The following EVA1A variants were observed in gnomAD, a reference collection of about 807,000 sequenced individuals.
The protein encoded by EVA1A is protein eva-1 homolog A.
EVA1A carries 7 observed loss-of-function variants against 9.8 expected under a neutral mutation model. That is an observed-to-expected ratio of 0.71 (90% CI 0.41 to 1.34). The LOEUF (loss-of-function observed/expected upper bound fraction) is 1.34. Ranked by LOEUF, EVA1A falls within the 40% of genes most tolerant of loss-of-function variation. The probability of loss-of-function intolerance (pLI) is 0.01; values close to 1 mark genes in which losing one functional copy is unlikely to be tolerated. For missense variants in EVA1A, 206 were observed against 205.9 expected (o/e 1.00, Z 0.00); for synonymous variants, 90 against 85.6 (o/e 1.05, Z -0.28).
chr2:75,565,050 G>A (rs75962678), upstream of EVA1A, among the ~76,000 whole-genome samples: 31 of 152,282 alleles, frequency 2.0e-4, no homozygotes, highest in East Asian at 4.8e-3. Flanking sequence ...AATATGTCCC[G>A]ATATGTCCTC....
chr2:75,561,074 G>A (rs1261445022), upstream of EVA1A: 1 of 151,920 alleles, frequency 6.6e-6, no homozygotes, highest in South Asian at 2.1e-4. Context: ...CGCGAAACCT[G>A]AACGGCTGCG....
chr2:75,513,578 T>G (rs1333819832), intron 3 of EVA1A, among the ~76,000 whole-genome samples: 1 of 152,248 alleles, frequency 6.6e-6, no homozygotes, highest in African/African-American at 2.4e-5. Context: ...TAGAGATATC[T>G]GCACTCCATA....
chr2:75,521,217 C>G lies in EVA1A; in HGVS notation c.-69+1148G>C, dbSNP rs187189145. On this transcript the variant is annotated intron_variant, in intron 2 of 3. Coordinates refer to ENST00000393913, the MANE Select transcript of EVA1A (RefSeq NM_001135032.2). The stretch of plus-strand genomic sequence containing the variant: ...AAAATCAGAAAATAAGTATTGGAAC[C>G]CTTGTGCACTGTTGATGGGAAGGTA... Among the ~76,000 whole-genome samples the G allele has an allele frequency of 1.1e-4, 16 of 152,218 alleles. No individual in the cohort carries two copies. The South Asian group carries it at 2.1e-3, about 20-fold the overall frequency.
intron 1 of EVA1A, among the ~76,000 whole-genome samples, chr2:75,537,867 C>A (rs1202632095): frequency 2.6e-5 from 4 of 152,166 alleles, no homozygotes; most frequent in Non-Finnish European, 5.9e-5. Context: ...GAGGCCTCAC[C>A]AGAAGCCAAG....
rs369146049 is a variant in EVA1A, at chr2:75,518,133, A to C, written c.8T>G (p.Leu3Arg). MR[L>R]PLSHSPEHVE... ...GTGCTCTGGGCTGTGGCTGAGGGGC[A>C]GCCTCATGGGACATCCAGAGGGGAC... The change falls in exon 3 of 4, where the codon CTG (leucine) becomes CGG (arginine). Residue 3 changes from leucine (L) to arginine (R), a missense_variant. Coordinates refer to ENST00000393913, the MANE Select transcript of EVA1A (RefSeq NM_001135032.2). 3.1e-6 allele frequency: 5 copies of C among 1,614,032 alleles called. No individual in the cohort carries two copies. The South Asian group carries it at 5.5e-5, about 18-fold the overall frequency.
chr2:75,521,835 T>C (rs983886765), intron 2 of EVA1A, among the ~76,000 whole-genome samples: 7 of 152,238 alleles, frequency 4.6e-5, no homozygotes, highest in African/African-American at 1.4e-4. Flanking sequence ...TTGTTATATG[T>C]ATTTTACCAC....
At chr2:75,499,253 A>T (rs1017089037) in intron 3 of EVA1A, among the ~76,000 whole-genome samples, 1 of 152,186 alleles carries the variant, frequency 6.6e-6, no homozygotes, top group African/African-American at 2.4e-5. Flanking sequence ...CCTTGAGCCA[A>T]TCACAACCTC....
upstream of EVA1A, among the ~76,000 whole-genome samples, chr2:75,563,327 C>A (rs1676961068): frequency 6.6e-6 from 1 of 152,186 alleles, no homozygotes; most frequent in Non-Finnish European, 1.5e-5. Context: ...CCAGAACATG[C>A]ATCCCTGCAT....
chr2:75,493,615 G>GGAA lies in EVA1A; in HGVS notation c.86-9_86-7dup. 1 of 1,567,028 alleles carries GGAA rather than the reference G, an allele frequency of 6.4e-7. No individual in the cohort carries two copies. Among genetic ancestry groups the GGAA allele is most frequent in the Non-Finnish European group, 8.7e-7 (1 of 1,155,190 alleles). On this transcript the variant is annotated splice_region_variant and splice_polypyrimidine_tract_variant and intron_variant, in intron 3 of 3. Transcript: ENST00000393913. The stretch of plus-strand genomic sequence containing the variant: ...AGCTGCTCGCTCAGGATTTTCTGGA[G>GGAA]GAAGAAGAGGAAGAAGCAAGCATTT...
intron 1 of EVA1A, among the ~76,000 whole-genome samples, chr2:75,543,198 A>G (rs368290006): frequency 2.0e-5 from 3 of 152,174 alleles, no homozygotes; most frequent in East Asian, 3.9e-4. Flanking sequence ...AGAATTGCAA[A>G]TAGGGAAGAC....
rs529762458 is a variant in EVA1A, at chr2:75,493,548, G to C, written c.147C>G (p.Thr49=). Residue 49 remains threonine (T), a synonymous_variant, in exon 4 of 4, where the codon ACC becomes ACG. Transcript: ENST00000393913. ...VSGVCIGLVL[T]LAALVIRISC... is the part of the protein sequence containing the mutation. ...AGATCCTTATCACCAGAGCAGCCAG[G>C]GTCAGCACCAGCCCGATGCACACGC... 1 of 1,614,066 alleles carries C rather than the reference G, an allele frequency of 6.2e-7. No homozygotes were observed. Among genetic ancestry groups the C allele is most frequent in the East Asian group, 2.2e-5 (1 of 44,862 alleles).
intron 1 of EVA1A, among the ~76,000 whole-genome samples, chr2:75,548,917 T>C (rs1011604001): frequency 6.6e-6 from 1 of 151,452 alleles, no homozygotes; most frequent in Non-Finnish European, 1.5e-5. Flanking sequence ...TTTACCATCA[T>C]CTAGCCTTGA....
In EVA1A at chr2:75,515,425, A is replaced by G. The variant is rs116639507; in HGVS notation, c.85+2631T>C. ...AATTTCTAGTGGCTTCAAATGGCAA[A>G]TTATACTGGTGTTTGATAACTTGTA... is the stretch of plus-strand genomic sequence containing the variant. On this transcript the variant is annotated intron_variant, in intron 3 of 3. Coordinates refer to ENST00000393913, the MANE Select transcript of EVA1A (RefSeq NM_001135032.2). Among the ~76,000 whole-genome samples the G allele has an allele frequency of 5.6e-3, 860 of 152,310 alleles. 8 individuals are homozygous for G. The highest frequency in any genetic ancestry group is 0.014 in the Middle Eastern group (4 of 294).
At chr2:75,563,257 G>C (rs969230527), upstream of EVA1A, among the ~76,000 whole-genome samples, 4 of 152,194 alleles carry the variant, frequency 2.6e-5, no homozygotes, top group Admixed American at 1.3e-4. Flanking sequence ...TGTGCAGCAG[G>C]ACAGAAGTGC....
At chr2:75,512,663 C>T (rs1674856495) in intron 3 of EVA1A, among the ~76,000 whole-genome samples, 1 of 152,146 alleles carries the variant, frequency 6.6e-6, no homozygotes, top group Admixed American at 6.5e-5. Context: ...TGGGATGCCT[C>T]AAACCATCAT....
chr2:75,531,873 G>A (rs866075342), intron 1 of EVA1A, among the ~76,000 whole-genome samples: 8 of 152,036 alleles, frequency 5.3e-5, no homozygotes, highest in East Asian at 1.9e-4. Context: ...ACTTATCCAC[G>A]TAATGGCTGA....
intron 3 of EVA1A, chr2:75,517,693 T>C (rs1675063176): frequency 3.0e-6 from 2 of 665,606 alleles, no homozygotes; most frequent in Non-Finnish European, 5.5e-6. Flanking sequence ...ACAGGCAGCC[T>C]GTGTGAGGTT....
intron 3 of EVA1A, among the ~76,000 whole-genome samples, chr2:75,496,973 T>A (rs1322721876): frequency 6.6e-6 from 1 of 152,224 alleles, no homozygotes; most frequent in African/African-American, 2.4e-5. Context: ...CTAGGATAAC[T>A]GGCTAGCTAT....
At chr2:75,512,337 A>T (rs1436826045) in intron 3 of EVA1A, among the ~76,000 whole-genome samples, 1 of 152,160 alleles carries the variant, frequency 6.6e-6, no homozygotes, top group Non-Finnish European at 1.5e-5. Flanking sequence ...GCTAATATAC[A>T]GGGAAATAAA....
Sources: gnomAD v4.1 joint callset for allele counts (sites outside exome capture counted in the v4.1 genomes callset) on GRCh38, gnomAD v4.1.1 for gene constraint, MANE v1.5 for transcripts, NCBI Gene and HGNC (gene_info 2026-07-23, HGNC 2026-07-21) for gene names.